Variants in SPATA17 observed in about 807,000 individuals in gnomAD.
The protein encoded by SPATA17 is spermatogenesis associated 17, also known as spermatogenesis-associated protein 17.
A neutral mutation model predicts 62.2 loss-of-function variants in SPATA17; 53 were observed. That is an observed-to-expected ratio of 0.85 (90% CI 0.68 to 1.07). The LOEUF (loss-of-function observed/expected upper bound fraction) is 1.07. SPATA17 is among the 50% of genes least tolerant of loss of function. The pLI is 0.00. For missense variants in SPATA17, 466 were observed against 425.5 expected (o/e 1.10, Z -0.84); for synonymous variants, 146 against 146.8 (o/e 0.99, Z 0.04).
chr1:217,723,311 C>G (rs931060032), intron 5 of SPATA17, among the ~76,000 whole-genome samples: 4 of 152,064 alleles, frequency 2.6e-5, no homozygotes, highest in Non-Finnish European at 5.9e-5. Flanking sequence ...TGTGTTGGGT[C>G]CCCTTTGTGA....
At chr1:217,666,699 G>A (rs1417283284) in intron 3 of SPATA17, among the ~76,000 whole-genome samples, 1 of 152,042 alleles carries the variant, frequency 6.6e-6, no homozygotes, top group African/African-American at 2.4e-5. Context: ...TTGAAACTCT[G>A]TACATGTTAA....
At chr1:217,658,315 GC>G (rs2102888940) in intron 3 of SPATA17, among the ~76,000 whole-genome samples, 1 of 152,270 alleles carries the variant, frequency 6.6e-6, no homozygotes, top group Admixed American at 6.5e-5. Context: ...GAGTCTGGCA[GC>G]TTGAACGGCT....
At chr1:217,662,115 G>T (rs761506407) in intron 3 of SPATA17, among the ~76,000 whole-genome samples, 6 of 152,094 alleles carry the variant, frequency 3.9e-5, no homozygotes, top group Non-Finnish European at 7.4e-5. Flanking sequence ...TGGATGGCTT[G>T]TATACATTTT....
chr1:217,632,215 A>G (rs1252972389), intron 1 of SPATA17, among the ~76,000 whole-genome samples: 1 of 151,986 alleles, frequency 6.6e-6, no homozygotes, highest in Non-Finnish European at 1.5e-5. Context: ...AATAAAATAA[A>G]ATAAAATGAA....
chr1:217,841,417 A>C (rs1289024510), intron 9 of SPATA17, among the ~76,000 whole-genome samples: 1 of 152,020 alleles, frequency 6.6e-6, no homozygotes, highest in Non-Finnish European at 1.5e-5. Context: ...AATACCTAGA[A>C]AAGTATGGCA....
At chr1:217,780,927 T>C (rs768812319) in intron 7 of SPATA17, among the ~76,000 whole-genome samples, 15 of 152,118 alleles carry the variant, frequency 9.9e-5, no homozygotes, top group Non-Finnish European at 2.2e-4. Flanking sequence ...TCATAGACTC[T>C]GTCAAAGTAT....
chr1:217,779,143 C>A, intron 7 of SPATA17, among the ~76,000 whole-genome samples: 1 of 76,866 alleles, frequency 1.3e-5, no homozygotes. Flanking sequence ...TGTAAAACAA[C>A]TTGTGTGTGT....
At position 217,815,322 on chromosome 1, in the gene SPATA17, A is replaced by ATAG. The variant is rs573248839; in HGVS notation, c.1005+13475_1005+13477dup. 1.6e-3 allele frequency among the ~76,000 whole-genome samples: 248 copies of ATAG among 152,296 alleles called. 1 individual carries two copies. The highest frequency in any genetic ancestry group is 5.8e-3 in the African/African-American group (242 of 41,558). ...ATAACATGAACACAAAAGTTAGCTA[A>ATAG]TAGTACTTAGTCAAGTGTCCTTCTG... On this transcript the variant is annotated intron_variant, in intron 9 of 10. Coordinates refer to ENST00000366933, the MANE Select transcript of SPATA17 (RefSeq NM_138796.4).
chr1:217,775,679 C>T (rs903061728), intron 7 of SPATA17, among the ~76,000 whole-genome samples: 15 of 151,528 alleles, frequency 9.9e-5, no homozygotes, highest in East Asian at 7.8e-4. Context: ...TCCAGCCTGG[C>T]GACCGATCTA....
At chr1:217,817,556 C>T (rs1674751798) in intron 9 of SPATA17, among the ~76,000 whole-genome samples, 2 of 151,944 alleles carry the variant, frequency 1.3e-5, no homozygotes, top group African/African-American at 4.8e-5. Context: ...TTCTTTATAG[C>T]AGTGTGAGAA....
At chr1:217,718,863 A>C (rs1233652849) in intron 5 of SPATA17, among the ~76,000 whole-genome samples, 1 of 152,008 alleles carries the variant, frequency 6.6e-6, no homozygotes, top group Non-Finnish European at 1.5e-5. Context: ...ACAAACAAAC[A>C]AAACAAAACA....
chr1:217,790,314 G>T (rs1673966625), intron 8 of SPATA17, among the ~76,000 whole-genome samples: 1 of 152,128 alleles, frequency 6.6e-6, no homozygotes, highest in Non-Finnish European at 1.5e-5. Flanking sequence ...TTACTTCTGG[G>T]GCTGGAATTT....
intron 4 of SPATA17, among the ~76,000 whole-genome samples, chr1:217,669,544 T>C (rs1670787618): frequency 1.3e-5 from 2 of 152,196 alleles, no homozygotes; most frequent in Non-Finnish European, 2.9e-5. Context: ...TTTAATGTGT[T>C]ATTTTCCTAA....
At chr1:217,677,289 C>T (rs2102902145) in intron 4 of SPATA17, among the ~76,000 whole-genome samples, 1 of 151,550 alleles carries the variant, frequency 6.6e-6, no homozygotes, top group African/African-American at 2.4e-5. Flanking sequence ...GTCTAAAATA[C>T]AAAAAAAGTT....
At chr1:217,781,482 A>G (rs1673725206) in intron 7 of SPATA17, among the ~76,000 whole-genome samples, 1 of 152,202 alleles carries the variant, frequency 6.6e-6, no homozygotes, top group Non-Finnish European at 1.5e-5. Flanking sequence ...AGTAACTAGT[A>G]TAAATAACAA....
intron 9 of SPATA17, among the ~76,000 whole-genome samples, chr1:217,835,015 A>C (rs1675230417): frequency 6.6e-6 from 1 of 152,190 alleles, no homozygotes; most frequent in South Asian, 2.1e-4. Context: ...CATGCCATAC[A>C]GGTATATAGC....
At chr1:217,724,333 G>A (rs1219439332) in intron 5 of SPATA17, among the ~76,000 whole-genome samples, 1 of 152,092 alleles carries the variant, frequency 6.6e-6, no homozygotes, top group Non-Finnish European at 1.5e-5. Context: ...CGGGTGTGGT[G>A]GCTCGGCCTT....
intron 4 of SPATA17, among the ~76,000 whole-genome samples, chr1:217,676,543 A>C (rs865964790): frequency 6.6e-6 from 1 of 152,312 alleles, no homozygotes; most frequent in East Asian, 1.9e-4. Flanking sequence ...TAATGTTTAG[A>C]GTATACTAGT....
In SPATA17 at chr1:217,706,485, A is replaced by T. The variant is rs1671739696; in HGVS notation, c.395+23124A>T. On this transcript the variant is annotated intron_variant, in intron 5 of 10. Transcript: ENST00000366933. ...CCATGCTGTTTTGTGATAGTGAGTGAATTCTCACAAGACCTGATGGTTTTA... is the reference window on the plus strand; with the variant it reads ...CCATGCTGTTTTGTGATAGTGAGTGTATTCTCACAAGACCTGATGGTTTTA... Among the ~76,000 whole-genome samples the T allele has an allele frequency of 2.0e-5, 3 of 152,248 alleles. No individual in the cohort carries two copies. The Middle Eastern group carries it at 0.01, about 518-fold the overall frequency.
Sources: allele counts gnomAD v4.1 joint callset (sites outside exome capture counted in the v4.1 genomes callset), GRCh38; gene constraint gnomAD v4.1.1; transcripts MANE v1.5; gene names NCBI Gene and HGNC (gene_info 2026-07-23, HGNC 2026-07-21).